Variants in ZRANB2 observed in about 807,000 individuals in gnomAD.
The protein encoded by ZRANB2 is zinc finger RANBP2-type containing 2, also known as zinc finger Ran-binding domain-containing protein 2.
ZRANB2 carries 19 observed loss-of-function variants against 53.4 expected under a neutral mutation model. The observed-to-expected ratio is 0.36, with a 90% CI of 0.25 to 0.52. The LOEUF (loss-of-function observed/expected upper bound fraction) is 0.52. ZRANB2 is among the 20% of genes least tolerant of loss of function. The pLI is 0.93. For missense variants in ZRANB2, 309 were observed against 401.1 expected, an observed-to-expected ratio of 0.77 and a Z score of 1.96; for synonymous variants, 145 against 134.8, an observed-to-expected ratio of 1.08 and a Z score of -0.52.
chr1:71,081,031 T>C lies in ZRANB2; in HGVS notation c.-36A>G, dbSNP rs1269642603. ...ACCAGCACAGCCACCCGCAGCTATG[T>C]CTTCACAGGAGGAAAACGGGCCGGG... is the stretch of plus-strand genomic sequence containing the variant. On this transcript the variant is annotated 5_prime_UTR_variant, in exon 1 of 10. Transcript: ENST00000370920. The C allele has an allele frequency of 1.9e-6, 3 of 1,613,854 alleles. No homozygotes were observed. Among genetic ancestry groups the C allele is most frequent in the African/African-American group, 1.3e-5 (1 of 74,898 alleles).
intron 3 of ZRANB2, among the ~76,000 whole-genome samples, chr1:71,077,994 C>A (rs965461363): frequency 6.6e-6 from 1 of 152,054 alleles, no homozygotes; most frequent in Admixed American, 6.5e-5. Flanking sequence ...TAAATCTAAG[C>A]CTGAAAATAA....
In ZRANB2 at chr1:71,064,587, G is replaced by C. The variant is rs1443565186; in HGVS notation, c.*487C>G. ...ATTTCAAAATAGACATTTACAGTTG[G>C]CTGCTTACAACATAGTTTAACTTTT... On this transcript the variant is annotated 3_prime_UTR_variant, in exon 10 of 10. Coordinates refer to ENST00000370920, the MANE Select transcript of ZRANB2 (RefSeq NM_203350.3). 3 of 152,526 alleles carry C rather than the reference G, an allele frequency of 2.0e-5. No individual in the cohort carries two copies. The highest frequency in any genetic ancestry group is 7.2e-5 in the African/African-American group (3 of 41,430). The allele number at this position is 152,526 out of a possible 1,614,324, so 9.4% of individuals were successfully genotyped here.
intron 5 of ZRANB2, 24 bp from the exon 6 acceptor site, chr1:71,072,279 G>A (rs753654625): frequency 3.1e-6 from 5 of 1,594,712 alleles, no homozygotes; most frequent in Admixed American, 1.8e-5. Context: ...ATTTCAAAAT[G>A]CTTGTCAGCT....
At chr1:71,077,490 T>G (rs1334147522) in intron 3 of ZRANB2, among the ~76,000 whole-genome samples, 1 of 152,206 alleles carries the variant, frequency 6.6e-6, no homozygotes, top group Non-Finnish European at 1.5e-5. Context: ...CCAAATCCAG[T>G]GACCAAATCT....
At chr1:71,080,226 T>C (rs1156292493) in intron 1 of ZRANB2, among the ~76,000 whole-genome samples, 2 of 149,666 alleles carry the variant, frequency 1.3e-5, no homozygotes, top group Middle Eastern at 3.2e-3. Context: ...AAAATCTGAT[T>C]AACTATCTAG....
Position 71,065,056 on chromosome 1 carries a change from GA to G in ZRANB2, c.*17del, listed in dbSNP as rs1661389423. ...CATGCACTGTACTGGATTTTTTTAA[GA>G]TGTAAATTTTAATACATTATTTCTT... On this transcript the variant is annotated 3_prime_UTR_variant, in exon 10 of 10. Coordinates refer to ENST00000370920, the MANE Select transcript of ZRANB2 (RefSeq NM_203350.3). 4.4e-6 allele frequency: 7 copies of G among 1,581,162 alleles called. No homozygotes were observed. Among genetic ancestry groups the G allele is most frequent in the Non-Finnish European group, 6.1e-6 (7 of 1,154,934 alleles).
chr1:71,065,974 T>C (rs1398568760), intron 9 of ZRANB2: 2 of 517,058 alleles, frequency 3.9e-6, no homozygotes. Context: ...AACTAATCAT[T>C]CTGTACAAGT....
intron 8 of ZRANB2, among the ~76,000 whole-genome samples, 157 bp downstream of exon 8, chr1:71,069,119 T>C (rs990723252): frequency 6.6e-6 from 1 of 152,178 alleles, no homozygotes; most frequent in Non-Finnish European, 1.5e-5. Flanking sequence ...AAACATTTCA[T>C]GGTGAGAAAA....
Position 71,065,069 on chromosome 1 carries a change from A to G in ZRANB2, c.*5T>C. On this transcript the variant is annotated 3_prime_UTR_variant, in exon 10 of 10. Coordinates refer to ENST00000370920, the MANE Select transcript of ZRANB2 (RefSeq NM_203350.3). ...GGATTTTTTTAAGATGTAAATTTTA[A>G]TACATTATTTCTTTTTTGAACTTGA... The G allele has an allele frequency of 6.2e-7, 1 of 1,601,638 alleles. No homozygotes were observed.
At position 71,064,407 on chromosome 1, in the gene ZRANB2, TTTC is replaced by T. The variant is rs538286398; in HGVS notation, c.*664_*666del. 2.6e-5 allele frequency: 4 copies of T among 152,560 alleles called. No homozygotes were observed. In the East Asian group the frequency reaches 7.7e-4, roughly 29 times the overall value. 9.5% of individuals were successfully genotyped at this position (152,560 alleles called of 1,614,324 possible). ...CAGAGAAAAGATAAACTCTTAAGACTTTCTTTTTTGCCCCAAATTATGTGTCAG... is the reference window on the plus strand; with the variant it reads ...CAGAGAAAAGATAAACTCTTAAGACTTTTTTTGCCCCAAATTATGTGTCAG... On this transcript the variant is annotated 3_prime_UTR_variant, in exon 10 of 10. Transcript: ENST00000370920.
At chr1:71,077,153 G>A (rs1382955253) in intron 3 of ZRANB2, among the ~76,000 whole-genome samples, 1 of 152,034 alleles carries the variant, frequency 6.6e-6, no homozygotes, top group African/African-American at 2.4e-5. Context: ...ATAACCACAG[G>A]TCGAGTATCA....
chr1:71,074,431 A>G (rs1187422664), intron 4 of ZRANB2, among the ~76,000 whole-genome samples: 1 of 152,190 alleles, frequency 6.6e-6, no homozygotes, highest in African/African-American at 2.4e-5. Context: ...ACACAGGTTT[A>G]AAATGAATGT....
chr1:71,065,061 A>G lies in ZRANB2; in HGVS notation c.*13T>C, dbSNP rs1485430543. Reference sequence around the variant, plus strand: ...ACTGTACTGGATTTTTTTAAGATGTAAATTTTAATACATTATTTCTTTTTT... The same window carrying G: ...ACTGTACTGGATTTTTTTAAGATGTGAATTTTAATACATTATTTCTTTTTT... On this transcript the variant is annotated 3_prime_UTR_variant, in exon 10 of 10. Transcript: ENST00000370920. 1.9e-6 allele frequency: 3 copies of G among 1,594,624 alleles called. No homozygotes were observed. The highest frequency in any genetic ancestry group is 2.6e-6 in the Non-Finnish European group (3 of 1,165,900).
intron 8 of ZRANB2, chr1:71,067,741 T>C (rs1355819312): frequency 2.4e-6 from 1 of 412,034 alleles, no homozygotes; most frequent in South Asian, 1.8e-5. Context: ...GGGAAGAATA[T>C]GATGGGTGTT....
intron 4 of ZRANB2, among the ~76,000 whole-genome samples, chr1:71,074,050 G>A (rs1661653430): frequency 6.6e-6 from 1 of 151,966 alleles, no homozygotes; most frequent in African/African-American, 2.4e-5. Flanking sequence ...CACTCTTGCC[G>A]CCACCTCTCC....
At chr1:71,078,196 G>C (rs1047659593) in intron 3 of ZRANB2, among the ~76,000 whole-genome samples, 1 of 152,024 alleles carries the variant, frequency 6.6e-6, no homozygotes, top group African/African-American at 2.4e-5. Flanking sequence ...ACCACCCCCC[G>C]ATTGGTTTTG....
Position 71,073,719 on chromosome 1 carries a change from A to C in ZRANB2, c.302-1171T>G, listed in dbSNP as rs1661643982. Among the ~76,000 whole-genome samples, 3 of 152,096 alleles carry C rather than the reference A, an allele frequency of 2.0e-5. No homozygotes were observed. In the South Asian group the frequency reaches 6.2e-4, roughly 32 times the overall value. On this transcript the variant is annotated intron_variant, in intron 4 of 9. Coordinates refer to ENST00000370920, the MANE Select transcript of ZRANB2 (RefSeq NM_203350.3). ...ATATGACAAATATGGAAAGCTCAAA[A>C]ATATAGTAAAATTAGAAAGTGAACT...
intron 4 of ZRANB2, among the ~76,000 whole-genome samples, chr1:71,072,773 A>AGT (rs1661622271): frequency 2.6e-5 from 4 of 152,090 alleles, no homozygotes; most frequent in African/African-American, 9.7e-5. Flanking sequence ...TCAATTCCAA[A>AGT]TTGCCCTACA....
chr1:71,080,717 G>A (rs1044269548), intron 1 of ZRANB2, among the ~76,000 whole-genome samples: 24 of 152,166 alleles, frequency 1.6e-4, no homozygotes, highest in African/African-American at 5.1e-4. Flanking sequence ...ACCTTGCGGA[G>A]GTAATGTCGA....
Sources: gnomAD v4.1 joint callset for allele counts (sites outside exome capture counted in the v4.1 genomes callset) on GRCh38, gnomAD v4.1.1 for gene constraint, MANE v1.5 for transcripts, NCBI Gene and HGNC (gene_info 2026-07-23, HGNC 2026-07-21) for gene names.